The following FAM117A variants were observed in gnomAD, a reference collection of about 807,000 sequenced individuals.
FAM117A encodes the protein family with sequence similarity 117 member A.
Under a neutral mutation model 44.1 loss-of-function variants are expected in FAM117A, and 21 were observed. That is an observed-to-expected ratio of 0.48 (90% CI 0.34 to 0.69). The LOEUF is 0.69. Among genes scored for constraint, FAM117A ranks in the 30% least tolerant of loss-of-function variants. FAM117A has a pLI of 0.01. For synonymous variants in FAM117A, 220 were observed against 238.3 expected (o/e 0.92, Z 0.71); for missense variants, 498 against 589.9 (o/e 0.84, Z 1.61).
intron 7 of FAM117A, among the ~76,000 whole-genome samples, chr17:49,714,298 C>A (rs1203791842): frequency 6.6e-6 from 1 of 150,978 alleles, no homozygotes; most frequent in Non-Finnish European, 1.5e-5. Flanking sequence ...TAAATCCCGG[C>A]ATATCTTAGA....
At chr17:49,763,844 CCTCCCCCAATGGCTCCTTCCA>C in intron 1 of FAM117A, 27 bp downstream of exon 1, 3 of 1,043,314 alleles carry the variant, frequency 2.9e-6, no homozygotes, top group Non-Finnish European at 3.7e-6. Flanking sequence ...ACGCGCCCCC[CCTCCCCCAATGGCTCCTTCCA>C]CGGCACCCGC....
Position 49,711,209 on chromosome 17 carries a change from AC to A in FAM117A, c.*45del. 1 of 1,524,668 alleles carries A rather than the reference AC, an allele frequency of 6.6e-7. No homozygotes were observed. Among genetic ancestry groups the A allele is most frequent in the South Asian group, 1.3e-5 (1 of 78,746 alleles). The allele number at this position is 1,524,668 out of a possible 1,614,324, so 94.4% of individuals were successfully genotyped here. On this transcript the variant is annotated 3_prime_UTR_variant, in exon 8 of 8. Transcript: ENST00000240364. ...CAGGGGACCTGGGGAGGGACCTGCC[AC>A]CAAGGCACTGGTCTCTATGGTAAAG...
chr17:49,749,126 T>C (rs1475755462), intron 1 of FAM117A, among the ~76,000 whole-genome samples: 2 of 152,128 alleles, frequency 1.3e-5, no homozygotes, highest in Non-Finnish European at 2.9e-5. Flanking sequence ...AACAATCGAC[T>C]GGTACGTAGC....
At chr17:49,725,336 G>A (rs547560625) in intron 2 of FAM117A, among the ~76,000 whole-genome samples, 19 of 152,272 alleles carry the variant, frequency 1.2e-4, no homozygotes, top group Admixed American at 2.6e-4. Flanking sequence ...CTGTGTGCCC[G>A]GTACTGTTTC....
intron 1 of FAM117A, among the ~76,000 whole-genome samples, chr17:49,780,831 G>A (rs562996812): frequency 6.6e-6 from 1 of 152,088 alleles, no homozygotes; most frequent in Non-Finnish European, 1.5e-5. Context: ...TGAAGCAAAC[G>A]TTCTGCCTTT....
chr17:49,783,335 A>AT (rs2143808773), intron 1 of FAM117A, among the ~76,000 whole-genome samples: 1 of 152,294 alleles, frequency 6.6e-6, no homozygotes, highest in East Asian at 1.9e-4. Flanking sequence ...AGGGAGGTAG[A>AT]TAAGTGGAGG....
chr17:49,721,616 A>G (rs977515071), intron 3 of FAM117A, among the ~76,000 whole-genome samples: 4 of 152,222 alleles, frequency 2.6e-5, no homozygotes, highest in African/African-American at 9.6e-5. Context: ...GGTGAGTCCT[A>G]TCGAGTTGAC....
chr17:49,775,735 A>C (rs1179016011), intron 1 of FAM117A, among the ~76,000 whole-genome samples: 1 of 152,144 alleles, frequency 6.6e-6, no homozygotes, highest in East Asian at 1.9e-4. Context: ...TAGTCTACAA[A>C]GTAGCCTGTA....
chr17:49,725,555 A>G (rs550879308), intron 2 of FAM117A, among the ~76,000 whole-genome samples: 51 of 152,348 alleles, frequency 3.3e-4, no homozygotes, highest in African/African-American at 1.1e-3. Flanking sequence ...AAAAACACGA[A>G]GGAAGTGAGG....
chr17:49,771,772 G>A (rs1202583426), intron 1 of FAM117A, among the ~76,000 whole-genome samples: 1 of 152,204 alleles, frequency 6.6e-6, no homozygotes, highest in African/African-American at 2.4e-5. Context: ...GATGCTGGTT[G>A]AGTACATTCC....
intron 1 of FAM117A, among the ~76,000 whole-genome samples, chr17:49,780,417 C>T (rs1427938201): frequency 1.3e-5 from 2 of 152,152 alleles, no homozygotes; most frequent in Non-Finnish European, 2.9e-5. Context: ...GGCCCCTCCA[C>T]ACATGCTGGG....
chr17:49,761,737 G>A (rs542707463), intron 1 of FAM117A, among the ~76,000 whole-genome samples: 171 of 152,304 alleles, frequency 1.1e-3, no homozygotes, highest in African/African-American at 4.1e-3. Flanking sequence ...GAAATAATGT[G>A]AACACGTATG....
intron 2 of FAM117A, among the ~76,000 whole-genome samples, chr17:49,728,533 T>A (rs941272908): frequency 6.6e-6 from 1 of 151,840 alleles, no homozygotes; most frequent in Non-Finnish European, 1.5e-5. Context: ...AATGGGGGGC[T>A]GGGCTAGGCA....
At chr17:49,762,515 C>T (rs2073726017) in intron 1 of FAM117A, among the ~76,000 whole-genome samples, 2 of 152,324 alleles carry the variant, frequency 1.3e-5, no homozygotes, top group African/African-American at 2.4e-5. Flanking sequence ...GACTTGGGGG[C>T]TTTCTATCTC....
At chr17:49,769,074 T>A (rs575173625), upstream of FAM117A, among the ~76,000 whole-genome samples, 4 of 152,226 alleles carry the variant, frequency 2.6e-5, no homozygotes, top group Admixed American at 2.6e-4. Flanking sequence ...GGCGGGCAGA[T>A]CACTTGAGAT....
chr17:49,721,001 T>C (rs1203222605), intron 3 of FAM117A, among the ~76,000 whole-genome samples: 4 of 152,092 alleles, frequency 2.6e-5, no homozygotes, highest in African/African-American at 9.7e-5. Context: ...GCATGAGGCA[T>C]TGCGTCTGGC....
At chr17:49,780,718 C>T (rs980787121) in intron 1 of FAM117A, among the ~76,000 whole-genome samples, 1 of 152,104 alleles carries the variant, frequency 6.6e-6, no homozygotes, top group African/African-American at 2.4e-5. Flanking sequence ...TGTTTACAAT[C>T]TCACCCTTTT....
intron 1 of FAM117A, among the ~76,000 whole-genome samples, chr17:49,769,374 T>C (rs2073754324): frequency 6.6e-6 from 1 of 151,934 alleles, no homozygotes; most frequent in Admixed American, 6.6e-5. Context: ...TTCAAACAGG[T>C]AAAGGGTAAA....
At chr17:49,732,836 C>T (rs555191320) in intron 1 of FAM117A, 116 bp from the exon 2 acceptor site, 2 of 1,117,518 alleles carry the variant, frequency 1.8e-6, no homozygotes, top group Admixed American at 2.2e-5. Flanking sequence ...TCATATCCAC[C>T]ACTGTCCTAA....
Sources: gnomAD v4.1 joint callset for allele counts (sites outside exome capture counted in the v4.1 genomes callset) on GRCh38, gnomAD v4.1.1 for gene constraint, MANE v1.5 for transcripts, NCBI Gene and HGNC (gene_info 2026-07-23, HGNC 2026-07-21) for gene names.